Variants in MGAT4C observed in about 807,000 individuals in gnomAD.
MGAT4C encodes the protein alpha-1,3-mannosyl-glycoprotein 4-beta-N-acetylglucosaminyltransferase C.
Under a neutral mutation model 40.1 loss-of-function variants are expected in MGAT4C, and 19 were observed. The ratio of observed to expected loss-of-function variants is 0.47; its 90% CI spans 0.33 to 0.70. The LOEUF (loss-of-function observed/expected upper bound fraction) is 0.70. Among genes scored for constraint, MGAT4C ranks in the 30% least tolerant of loss-of-function variants. The pLI, the probability that MGAT4C is intolerant of heterozygous loss-of-function variation, is 0.02. For missense variants in MGAT4C, 491 were observed against 563.2 expected (o/e 0.87, Z 1.30); for synonymous variants, 181 against 187.1 (o/e 0.97, Z 0.27).
chr12:86,142,154 G>C (rs1882920821), intron 1 of MGAT4C, among the ~76,000 whole-genome samples: 1 of 152,130 alleles, frequency 6.6e-6, no homozygotes, highest in South Asian at 2.1e-4. Context: ...ACTGAGCATT[G>C]AAATTCAGGT....
chr12:86,660,067 T>C (rs1298511996), intron 2 of MGAT4C, among the ~76,000 whole-genome samples: 6 of 151,948 alleles, frequency 3.9e-5, no homozygotes, highest in African/African-American at 1.5e-4. Context: ...TTGTAGATCT[T>C]AGATTTACTT....
At chr12:86,610,423 C>A (rs1385604123) in intron 2 of MGAT4C, among the ~76,000 whole-genome samples, 1 of 152,122 alleles carries the variant, frequency 6.6e-6, no homozygotes, top group African/African-American at 2.4e-5. Flanking sequence ...AAATATAAAG[C>A]TAAACATTAT....
chr12:86,832,004 T>C (rs1309343846), intron 1 of MGAT4C, among the ~76,000 whole-genome samples: 1 of 151,838 alleles, frequency 6.6e-6, no homozygotes, highest in Non-Finnish European at 1.5e-5. Flanking sequence ...GTACTTAACA[T>C]TGCATGGGGG....
intron 1 of MGAT4C, among the ~76,000 whole-genome samples, chr12:86,750,840 C>T (rs911449666): frequency 1.3e-5 from 2 of 151,856 alleles, no homozygotes; most frequent in Non-Finnish European, 2.9e-5. Flanking sequence ...AATTGGGAGG[C>T]ATTAATTTTC....
chr12:86,076,824 G>T lies in MGAT4C; in HGVS notation c.-56-27101C>A, dbSNP rs1212834478. Among the ~76,000 whole-genome samples, 5 of 152,078 alleles carry T rather than the reference G, an allele frequency of 3.3e-5. No individual in the cohort carries two copies. The East Asian group carries it at 9.7e-4, about 29-fold the overall frequency. On this transcript the variant is annotated intron_variant, in intron 1 of 4. Coordinates refer to ENST00000611864, the MANE Select transcript of MGAT4C (RefSeq NM_001351288.2). ...GGAGATACAATTCAAGTTGAGATTT[G>T]GGTGGAGACATAGCCAAACCATATC...
intron 2 of MGAT4C, among the ~76,000 whole-genome samples, chr12:86,715,539 C>G (rs1950631322): frequency 6.6e-6 from 1 of 152,116 alleles, no homozygotes; most frequent in Non-Finnish European, 1.5e-5. Flanking sequence ...GTCAATCTTG[C>G]TCCATGTTGT....
At chr12:86,579,336 G>A (rs1041865671) in intron 2 of MGAT4C, among the ~76,000 whole-genome samples, 1 of 151,330 alleles carries the variant, frequency 6.6e-6, no homozygotes, top group African/African-American at 2.4e-5. Context: ...TTCTTGGTTT[G>A]TGGTTACTAT....
chr12:86,170,981 C>T (rs113405089), intron 1 of MGAT4C, among the ~76,000 whole-genome samples: 1 of 152,184 alleles, frequency 6.6e-6, no homozygotes, highest in African/African-American at 2.4e-5. Context: ...CTTGAATACC[C>T]GGACATTCTG....
chr12:86,017,977 G>T (rs1405823248), intron 2 of MGAT4C, among the ~76,000 whole-genome samples: 1 of 152,116 alleles, frequency 6.6e-6, no homozygotes, highest in Admixed American at 6.6e-5. Flanking sequence ...AGGAATTGAT[G>T]CTGATATGAA....
intron 3 of MGAT4C, among the ~76,000 whole-genome samples, chr12:86,359,092 G>T (rs1482099704): frequency 1.3e-5 from 2 of 152,174 alleles, no homozygotes; most frequent in Non-Finnish European, 1.5e-5. Flanking sequence ...ACACTCCTCA[G>T]TAAATGTAAA....
chr12:86,543,756 A>G (rs1030118241), intron 2 of MGAT4C, among the ~76,000 whole-genome samples: 1 of 151,368 alleles, frequency 6.6e-6, no homozygotes, highest in South Asian at 2.1e-4. Context: ...GATAATCCAA[A>G]ATCTAGTGAC....
chr12:86,184,708 C>T (rs1347800345), intron 1 of MGAT4C, among the ~76,000 whole-genome samples: 3 of 135,342 alleles, frequency 2.2e-5, no homozygotes, highest in Non-Finnish European at 4.6e-5. Context: ...CTTTCCTACA[C>T]TGTTCCTGCC....
intron 1 of MGAT4C, among the ~76,000 whole-genome samples, chr12:86,105,222 A>G (rs916977358): frequency 5.3e-5 from 8 of 152,090 alleles, no homozygotes; most frequent in African/African-American, 1.7e-4. Context: ...AAATTTAGGG[A>G]ATCTATTTTC....
At chr12:86,287,176 G>A (rs888374120) in intron 4 of MGAT4C, among the ~76,000 whole-genome samples, 1 of 151,910 alleles carries the variant, frequency 6.6e-6, no homozygotes, top group African/African-American at 2.4e-5. Flanking sequence ...TTCCCAAAGC[G>A]GTGAACTAAT....
At chr12:86,607,779 A>G (rs1186903790) in intron 2 of MGAT4C, among the ~76,000 whole-genome samples, 1 of 152,118 alleles carries the variant, frequency 6.6e-6, no homozygotes, top group Non-Finnish European at 1.5e-5. Context: ...CTCCTTCTCA[A>G]TCCATGAGGT....
At chr12:86,321,529 G>A (rs1349798332) in intron 4 of MGAT4C, among the ~76,000 whole-genome samples, 4 of 152,126 alleles carry the variant, frequency 2.6e-5, no homozygotes, top group Admixed American at 6.6e-5. Flanking sequence ...AGTAAACTAA[G>A]ACACACCATT....
intron 1 of MGAT4C, among the ~76,000 whole-genome samples, chr12:86,058,958 T>A (rs1893666894): frequency 6.6e-6 from 1 of 152,192 alleles, no homozygotes; most frequent in Non-Finnish European, 1.5e-5. Context: ...TTAAAGAATA[T>A]AATATTTTAC....
intron 2 of MGAT4C, among the ~76,000 whole-genome samples, chr12:86,706,820 C>T (rs927066920): frequency 6.6e-6 from 1 of 152,036 alleles, no homozygotes; most frequent in Non-Finnish European, 1.5e-5. Flanking sequence ...GTGTCCCTGC[C>T]CAAATCTCAT....
chr12:86,511,312 A>G (rs1391797018), intron 2 of MGAT4C, among the ~76,000 whole-genome samples: 1 of 152,190 alleles, frequency 6.6e-6, no homozygotes, highest in East Asian at 1.9e-4. Flanking sequence ...GACACAACAT[A>G]CCAGAATCTC....
Sources: allele counts gnomAD v4.1 joint callset (sites outside exome capture counted in the v4.1 genomes callset), GRCh38; gene constraint gnomAD v4.1.1; transcripts MANE v1.5; gene names NCBI Gene and HGNC (gene_info 2026-07-23, HGNC 2026-07-21).